PDE3A: variants seen among roughly 807,000 people sequenced by gnomAD.
The protein encoded by PDE3A is phosphodiesterase 3A.
Under a neutral mutation model 98.3 loss-of-function variants are expected in PDE3A, and 43 were observed. That is an observed-to-expected ratio of 0.44 (90% CI 0.34 to 0.56). PDE3A has a LOEUF of 0.56. PDE3A is among the 20% of genes least tolerant of loss of function. The probability of loss-of-function intolerance (pLI) is 0.01; values close to 1 mark genes in which losing one functional copy is unlikely to be tolerated. For synonymous variants in PDE3A, 663 were observed against 567.9 expected (o/e 1.17, Z -2.38); for missense variants, 1,427 against 1,440.7 (o/e 0.99, Z 0.15).
At chr12:20,634,692 G>A (rs1944459261) in intron 7 of PDE3A, among the ~76,000 whole-genome samples, 1 of 152,176 alleles carries the variant, frequency 6.6e-6, no homozygotes, top group African/African-American at 2.4e-5. Flanking sequence ...TGAATGTCAT[G>A]CGGATTACAG....
intron 1 of PDE3A, among the ~76,000 whole-genome samples, chr12:20,449,121 C>T (rs1945015645): frequency 6.6e-6 from 1 of 152,176 alleles, no homozygotes; most frequent in African/African-American, 2.4e-5. Context: ...TTAGCCATTT[C>T]AACATTGCAT....
Position 20,433,664 on chromosome 12 carries a change from C to T in PDE3A, c.960+63420C>T, listed in dbSNP as rs150710587. On this transcript the variant is annotated intron_variant, in intron 1 of 15. Transcript: ENST00000359062. The stretch of plus-strand genomic sequence containing the variant: ...CTATCAGAATTTTAAGAACAGCATA[C>T]GTTTTTTAAAAAAATACACAAGATG... Among the ~76,000 whole-genome samples the T allele has an allele frequency of 9.9e-5, 15 of 151,970 alleles. No individual in the cohort carries two copies. In the East Asian group the frequency reaches 1.2e-3, roughly 12 times the overall value.
intron 1 of PDE3A, among the ~76,000 whole-genome samples, chr12:20,436,842 T>C (rs1041305197): frequency 6.6e-6 from 1 of 152,328 alleles, no homozygotes; most frequent in Non-Finnish European, 1.5e-5. Context: ...CTTTTACATG[T>C]AATTGCGAAT....
chr12:20,623,462 T>C lies in PDE3A; in HGVS notation c.1540+2051T>C, dbSNP rs748340599. Among the ~76,000 whole-genome samples, 38 of 152,200 alleles carry C rather than the reference T, an allele frequency of 2.5e-4. 1 individual carries two copies. In the South Asian group the frequency reaches 4.1e-3, roughly 17 times the overall value. Reference sequence around the variant, plus strand: ...AGGCTGAGAGCAGAGTTGTCAGAAATACTGGCAGTCAGAACACAGCAGAAT... The same window carrying C: ...AGGCTGAGAGCAGAGTTGTCAGAAACACTGGCAGTCAGAACACAGCAGAAT... On this transcript the variant is annotated intron_variant, in intron 5 of 15. Coordinates refer to ENST00000359062, the MANE Select transcript of PDE3A (RefSeq NM_000921.5).
At chr12:20,427,412 C>T (rs1262280209) in intron 1 of PDE3A, among the ~76,000 whole-genome samples, 1 of 152,098 alleles carries the variant, frequency 6.6e-6, no homozygotes, top group South Asian at 2.1e-4. Flanking sequence ...TATAGTATGA[C>T]CTTGGAAACT....
chr12:20,603,660 G>A (rs961873148), intron 2 of PDE3A, among the ~76,000 whole-genome samples: 13 of 152,066 alleles, frequency 8.5e-5, no homozygotes, highest in East Asian at 5.8e-4. Flanking sequence ...AAACACCCAC[G>A]TGCACAACAT....
chr12:20,392,877 C>T (rs1185133015), intron 1 of PDE3A, among the ~76,000 whole-genome samples: 1 of 151,978 alleles, frequency 6.6e-6, no homozygotes, highest in Non-Finnish European at 1.5e-5. Context: ...AAACCAGGCA[C>T]AGACAAGTAC....
chr12:20,510,026 T>G (rs906752978), intron 1 of PDE3A, among the ~76,000 whole-genome samples: 1 of 152,050 alleles, frequency 6.6e-6, no homozygotes, highest in African/African-American at 2.4e-5. Flanking sequence ...CAAATGTGCT[T>G]GACATACATT....
chr12:20,624,498 A>G (rs1467294637), intron 5 of PDE3A, among the ~76,000 whole-genome samples: 1 of 152,132 alleles, frequency 6.6e-6, no homozygotes, highest in Non-Finnish European at 1.5e-5. Context: ...CACATAAGAT[A>G]CCACATGGGC....
chr12:20,438,509 G>A (rs978316341), intron 1 of PDE3A, among the ~76,000 whole-genome samples: 1 of 152,142 alleles, frequency 6.6e-6, no homozygotes, highest in African/African-American at 2.4e-5. Context: ...CATCTAAAAA[G>A]CAATGCAAAA....
chr12:20,403,521 C>T (rs1388522506), intron 1 of PDE3A, among the ~76,000 whole-genome samples: 1 of 152,140 alleles, frequency 6.6e-6, no homozygotes, highest in Non-Finnish European at 1.5e-5. Context: ...GATTTGTGAG[C>T]ACCATTCCAT....
At chr12:20,419,738 A>ATTT (rs34873079) in intron 1 of PDE3A, among the ~76,000 whole-genome samples, 75,397 of 132,480 alleles carry the variant, frequency 0.57, 24,369 homozygotes, top group East Asian at 0.85. Flanking sequence ...TTAATATTGT[A>ATTT]TTTTTTTTTT....
At position 20,648,437 on chromosome 12, in the gene PDE3A, C is replaced by T. The variant is rs529668505; in HGVS notation, c.2566-251C>T. ...TTTAAAAAATATCTATTAAGATAGG[C>T]GAGTGCCCCCTCAAAAGAGTTTGGA... is the stretch of plus-strand genomic sequence containing the variant. On this transcript the variant is annotated intron_variant, in intron 12 of 15. Transcript: ENST00000359062. Among the ~76,000 whole-genome samples, 56 of 151,636 alleles carry T rather than the reference C, an allele frequency of 3.7e-4. 1 individual carries two copies. The highest frequency in any genetic ancestry group is 3.4e-3 in the Middle Eastern group (1 of 292).
chr12:20,531,943 AGT>A (rs1491105901), intron 1 of PDE3A, among the ~76,000 whole-genome samples: 1 of 67,924 alleles, frequency 1.5e-5, no homozygotes, highest in Non-Finnish European at 3.7e-5. Flanking sequence ...TTGAAATAAA[AGT>A]TTTTTTTTTT....
intron 15 of PDE3A, among the ~76,000 whole-genome samples, chr12:20,667,481 T>C (rs548816698): frequency 1.1e-4 from 16 of 152,350 alleles, no homozygotes; most frequent in Middle Eastern, 3.4e-3. Flanking sequence ...AGTTTCATTC[T>C]TCTGCATGTG....
At chr12:20,422,403 C>G (rs1257917597) in intron 1 of PDE3A, among the ~76,000 whole-genome samples, 1 of 151,936 alleles carries the variant, frequency 6.6e-6, no homozygotes, top group Non-Finnish European at 1.5e-5. Flanking sequence ...ATAATCTATG[C>G]CTTGAAGTGC....
Position 20,683,115 on chromosome 12 carries a change from T to G in PDE3A, c.*2844T>G, listed in dbSNP as rs567718198. ...ACATTTTTCTTTAAAAATAAATTGC[T>G]ATTACAGCTAGACGTCAATTGGGAT... On this transcript the variant is annotated 3_prime_UTR_variant, in exon 16 of 16. Transcript: ENST00000359062. 6.6e-6 allele frequency: 1 copy of G among 152,328 alleles called. No homozygotes were observed. Among genetic ancestry groups the G allele is most frequent in the African/African-American group, 2.4e-5 (1 of 41,584 alleles). The allele number at this position is 152,328 out of a possible 1,614,324, so 9.4% of individuals were successfully genotyped here. A position where few individuals can be genotyped will look rare whatever the true frequency, so the allele number is the denominator to read the frequency against.
Position 20,659,802 on chromosome 12 carries a change from G to A in PDE3A, c.3184+5597G>A, listed in dbSNP as rs143840997. ...AGCATCTCCTGTAGACCACTTTTTC[G>A]TATTAGTTTTATTTTTACCACTTAT... On this transcript the variant is annotated intron_variant, in intron 15 of 15. Transcript: ENST00000359062. Among the ~76,000 whole-genome samples, 242 of 152,088 alleles carry A rather than the reference G, an allele frequency of 1.6e-3. 2 individuals are homozygous for A. The highest frequency in any genetic ancestry group is 5.6e-3 in the African/African-American group (232 of 41,506).
chr12:20,491,975 A>G (rs1945833149), intron 1 of PDE3A, among the ~76,000 whole-genome samples: 1 of 145,498 alleles, frequency 6.9e-6, no homozygotes, highest in African/African-American at 2.4e-5. Context: ...CCTGACGATA[A>G]TTTAGTACAG....
Sources: allele counts gnomAD v4.1 joint callset (sites outside exome capture counted in the v4.1 genomes callset), GRCh38; gene constraint gnomAD v4.1.1; transcripts MANE v1.5; gene names NCBI Gene and HGNC (gene_info 2026-07-23, HGNC 2026-07-21).